Variants in BTC observed in about 807,000 individuals in gnomAD.
BTC encodes the protein probetacellulin.
A neutral mutation model predicts 18.1 loss-of-function variants in BTC; 13 were observed. The ratio of observed to expected loss-of-function variants is 0.72; its 90% CI spans 0.47 to 1.14. The LOEUF (loss-of-function observed/expected upper bound fraction) is 1.14. Ranked by LOEUF, BTC falls within the 50% of genes most tolerant of loss-of-function variation. The pLI, the probability that BTC is intolerant of heterozygous loss-of-function variation, is 0.00. For missense variants in BTC, 247 were observed against 224.2 expected, an observed-to-expected ratio of 1.10 and a Z score of -0.65; for synonymous variants, 83 against 79.4, an observed-to-expected ratio of 1.05 and a Z score of -0.24.
Position 74,794,264 on chromosome 4 carries a change from A to T in BTC, c.62T>A (p.Leu21Gln), listed in dbSNP as rs1466082565. The change falls in exon 1 of 6, where the codon CTG becomes CAG. Residue 21 changes from leucine to glutamine, a missense_variant and splice_region_variant. Transcript: ENST00000395743. ...SSLPLLLALA[L>Q]GLVILHCVVA... ...CAGTGCCCAGCACGGCCACTTACCC[A>T]GGGCAAGGGCCAGGAGCAGTGGCAG... is the stretch of plus-strand genomic sequence containing the variant. The T allele has an allele frequency of 6.5e-7, 1 of 1,550,112 alleles. No individual in the cohort carries two copies. Among genetic ancestry groups the T allele is most frequent in the East Asian group, 2.4e-5 (1 of 40,844 alleles).
At chr4:74,766,677 C>T (rs1724910755) in intron 2 of BTC, among the ~76,000 whole-genome samples, 1 of 151,982 alleles carries the variant, frequency 6.6e-6, no homozygotes, top group East Asian at 1.9e-4. Context: ...TTCTATCAAA[C>T]ATTTAAATAC....
rs1167245929 is a variant in BTC at position 74,744,925 on chromosome 4, T to C, written c.*1752A>G. The C allele has an allele frequency of 6.6e-6, 1 of 152,224 alleles. No individual in the cohort carries two copies. The highest frequency in any genetic ancestry group is 2.4e-5 in the African/African-American group (1 of 41,464). The allele number at this position is 152,224 out of a possible 1,614,324, so 9.4% of individuals were successfully genotyped here. A position where few individuals can be genotyped will look rare whatever the true frequency, so the allele number is the denominator to read the frequency against. ...TCTACCAAATTTCGAGAGCCACCAT[T>C]GATATTTTAGGATCAAAACAAAATG... On this transcript the variant is annotated 3_prime_UTR_variant, in exon 6 of 6. Transcript: ENST00000395743.
At chr4:74,756,172 T>C (rs1414547493) in intron 2 of BTC, among the ~76,000 whole-genome samples, 196 bp from the exon 3 acceptor site, 1 of 152,190 alleles carries the variant, frequency 6.6e-6, no homozygotes, top group Non-Finnish European at 1.5e-5. Context: ...ATGGGGATTA[T>C]GGTCAGAATG....
intron 3 of BTC, among the ~76,000 whole-genome samples, chr4:74,753,584 AG>A (rs1560710253): frequency 6.6e-6 from 1 of 152,262 alleles, no homozygotes; most frequent in Non-Finnish European, 1.5e-5. Flanking sequence ...TGTAAAAACA[AG>A]AACCCACAAA....
chr4:74,753,832 A>G (rs1553956446), intron 3 of BTC, among the ~76,000 whole-genome samples: 3 of 152,192 alleles, frequency 2.0e-5, no homozygotes, highest in Non-Finnish European at 4.4e-5. Flanking sequence ...AAAAAGAAAA[A>G]AAAAATATTG....
chr4:74,764,319 G>A (rs544290445), intron 2 of BTC, among the ~76,000 whole-genome samples: 44 of 152,136 alleles, frequency 2.9e-4, no homozygotes, highest in South Asian at 2.1e-4. Flanking sequence ...CCTGTGGCAC[G>A]CTAAGACCAG....
At position 74,794,474 on chromosome 4, in the gene BTC, C is replaced by G; in HGVS notation, c.-149G>C. On this transcript the variant is annotated 5_prime_UTR_variant, in exon 1 of 6. Coordinates refer to ENST00000395743, the MANE Select transcript of BTC (RefSeq NM_001729.4). Reference sequence around the variant, plus strand: ...ACTACTTCCCAGGCTGGCACCCTGGCTACAAGGCAGGGAAACACCCAGGGC... The same window carrying G: ...ACTACTTCCCAGGCTGGCACCCTGGGTACAAGGCAGGGAAACACCCAGGGC... 1.1e-6 allele frequency: 1 copy of G among 921,482 alleles called. No homozygotes were observed. The highest frequency in any genetic ancestry group is 1.6e-6 in the Non-Finnish European group (1 of 638,148). The allele number at this position is 921,482 out of a possible 1,614,324, so 57.1% of individuals were successfully genotyped here. A position where few individuals can be genotyped will look rare whatever the true frequency, so the allele number is the denominator to read the frequency against.
intron 4 of BTC, among the ~76,000 whole-genome samples, chr4:74,748,801 G>A (rs1210521075): frequency 2.0e-5 from 3 of 152,118 alleles, no homozygotes; most frequent in African/African-American, 4.8e-5. Context: ...GTGACACAGC[G>A]TTTGGATATA....
intron 2 of BTC, among the ~76,000 whole-genome samples, chr4:74,768,585 G>T (rs1724959667): frequency 1.3e-5 from 2 of 152,130 alleles, no homozygotes; most frequent in African/African-American, 4.8e-5. Context: ...ATAGTAGTAT[G>T]GTGGTTCCTG....
In BTC at chr4:74,774,427, C is replaced by T. The variant is rs184068661; in HGVS notation, c.65-4271G>A. ...TTGAATACCAGAAGAAACATCAAAA[C>T]GAGTCAAAAGTGGTTGGTAGAGAGG... On this transcript the variant is annotated intron_variant, in intron 1 of 5. Coordinates refer to ENST00000395743, the MANE Select transcript of BTC (RefSeq NM_001729.4). Among the ~76,000 whole-genome samples, 14 of 152,152 alleles carry T rather than the reference C, an allele frequency of 9.2e-5. No homozygotes were observed. In the East Asian group the frequency reaches 1.9e-3, roughly 21 times the overall value.
At chr4:74,790,055 C>G (rs1725580666) in intron 1 of BTC, among the ~76,000 whole-genome samples, 1 of 152,020 alleles carries the variant, frequency 6.6e-6, no homozygotes, top group Non-Finnish European at 1.5e-5. Flanking sequence ...TTTGACAAAC[C>G]CAGTCAAAAT....
At chr4:74,788,286 AT>A (rs973452230) in intron 1 of BTC, among the ~76,000 whole-genome samples, 5 of 152,188 alleles carry the variant, frequency 3.3e-5, no homozygotes, top group African/African-American at 4.8e-5. Context: ...CACAAAAAAA[AT>A]GGTAGCTATT....
chr4:74,755,656 C>T (rs186063447), intron 3 of BTC, among the ~76,000 whole-genome samples: 26 of 152,332 alleles, frequency 1.7e-4, no homozygotes, highest in African/African-American at 6.0e-4. Flanking sequence ...CTCTCACATA[C>T]TCATGTTTCA....
chr4:74,794,356 T>C lies in BTC; in HGVS notation c.-31A>G. 1 of 1,518,596 alleles carries C rather than the reference T, an allele frequency of 6.6e-7. No homozygotes were observed. The highest frequency in any genetic ancestry group is 8.8e-7 in the Non-Finnish European group (1 of 1,132,932). 94.1% of individuals were successfully genotyped at this position (1,518,596 alleles called of 1,614,324 possible). ...CCGCTCTGCCGGGCCGGGCAGCCCCTAGACAAGTCTCCCTCCTTCTTCGCC... is the reference window on the plus strand; with the variant it reads ...CCGCTCTGCCGGGCCGGGCAGCCCCCAGACAAGTCTCCCTCCTTCTTCGCC... On this transcript the variant is annotated 5_prime_UTR_variant, in exon 1 of 6. Coordinates refer to ENST00000395743, the MANE Select transcript of BTC (RefSeq NM_001729.4).
intron 4 of BTC, 83 bp from the exon 5 acceptor site, chr4:74,748,232 A>G (rs1265204316): frequency 2.4e-5 from 21 of 879,302 alleles, no homozygotes; most frequent in Non-Finnish European, 3.7e-5. Flanking sequence ...TCCTATGATC[A>G]GGTTTCTTTT....
chr4:74,794,181 G>C, intron 1 of BTC, 81 bp downstream of exon 1: 1 of 1,520,470 alleles, frequency 6.6e-7, no homozygotes, highest in South Asian at 1.2e-5. Flanking sequence ...CCAGATGCCA[G>C]CTCGGTTCAG....
chr4:74,794,416 T>TG lies in BTC; in HGVS notation c.-92dup, dbSNP rs777127212. 1,185 of 1,314,086 alleles carry TG rather than the reference T, an allele frequency of 9.0e-4. No individual in the cohort carries two copies. Among genetic ancestry groups the TG allele is most frequent in the Non-Finnish European group, 1.1e-3 (1,080 of 993,236 alleles). The allele number at this position is 1,314,086 out of a possible 1,614,324, so 81.4% of individuals were successfully genotyped here. A position where few individuals can be genotyped will look rare whatever the true frequency, so the allele number is the denominator to read the frequency against. On this transcript the variant is annotated 5_prime_UTR_variant, in exon 1 of 6. Transcript: ENST00000395743. ...GGCCTCGGGCGCCTGAGAGGGTGCCTGGAAACTAATCCCGGAGGCAGAAGG... is the reference window on the plus strand; with the variant it reads ...GGCCTCGGGCGCCTGAGAGGGTGCCTGGGAAACTAATCCCGGAGGCAGAAGG...
chr4:74,788,401 A>G (rs1353234982), intron 1 of BTC, among the ~76,000 whole-genome samples: 2 of 152,204 alleles, frequency 1.3e-5, no homozygotes, highest in African/African-American at 2.4e-5. Context: ...AGCCTGTAAT[A>G]AATTATCCTT....
chr4:74,770,838 TA>T (rs1725018240), intron 1 of BTC, among the ~76,000 whole-genome samples: 1 of 151,726 alleles, frequency 6.6e-6, no homozygotes, highest in African/African-American at 2.4e-5. Context: ...TAGATAATAT[TA>T]AAAAATTGTT....
Sources: allele counts gnomAD v4.1 joint callset (sites outside exome capture counted in the v4.1 genomes callset), GRCh38; gene constraint gnomAD v4.1.1; transcripts MANE v1.5; gene names NCBI Gene and HGNC (gene_info 2026-07-23, HGNC 2026-07-21).